The following ASPH variants were observed in gnomAD, a reference collection of about 807,000 sequenced individuals.
ASPH encodes aspartyl/asparaginyl beta-hydroxylase.
ASPH carries 100 observed loss-of-function variants against 118.4 expected under a neutral mutation model. The ratio of observed to expected loss-of-function variants is 0.84; its 90% CI spans 0.72 to 1.00. ASPH has a LOEUF of 1.00. Among genes scored for constraint, ASPH ranks in the 50% least tolerant of loss-of-function variants. ASPH has a pLI of 0.00. For synonymous variants in ASPH, 315 were observed against 325.6 expected (o/e 0.97, Z 0.35); for missense variants, 920 against 919.5 (o/e 1.00, Z -0.01).
intron 21 of ASPH, among the ~76,000 whole-genome samples, chr8:61,528,767 G>A (rs1032442866): frequency 2.6e-4 from 39 of 152,070 alleles, no homozygotes; most frequent in African/African-American, 9.4e-4. Flanking sequence ...TGTTGCCAAG[G>A]TACTTTTCGT....
At chr8:61,637,130 G>T (rs933217932) in intron 12 of ASPH, among the ~76,000 whole-genome samples, 3 of 152,084 alleles carry the variant, frequency 2.0e-5, no homozygotes, top group African/African-American at 4.8e-5. Flanking sequence ...AAGAGTAATT[G>T]TAAGAGCAAA....
intron 16 of ASPH, among the ~76,000 whole-genome samples, chr8:61,573,274 AT>A (rs1834012846): frequency 6.6e-6 from 1 of 152,224 alleles, no homozygotes; most frequent in South Asian, 2.1e-4. Context: ...TATCGTGAAA[AT>A]GGCCATAGTG....
At chr8:61,581,711 G>A (rs1168609387) in intron 15 of ASPH, among the ~76,000 whole-genome samples, 1 of 152,156 alleles carries the variant, frequency 6.6e-6, no homozygotes, top group East Asian at 1.9e-4. Context: ...CCAGTGGTGT[G>A]AACTTTCAGG....
chr8:61,706,341 G>A (rs542042413), intron 1 of ASPH, among the ~76,000 whole-genome samples: 59 of 140,192 alleles, frequency 4.2e-4, no homozygotes, highest in African/African-American at 1.2e-3. Flanking sequence ...GAGGATCACC[G>A]GAGCCTGGGA....
intron 1 of ASPH, among the ~76,000 whole-genome samples, chr8:61,690,091 A>G (rs1416469810): frequency 6.6e-6 from 1 of 152,252 alleles, no homozygotes; most frequent in African/African-American, 2.4e-5. Context: ...TAACGGCTTT[A>G]GCTTAAGCAC....
At chr8:61,702,345 T>C (rs956314620) in intron 1 of ASPH, among the ~76,000 whole-genome samples, 9 of 147,322 alleles carry the variant, frequency 6.1e-5, no homozygotes, top group African/African-American at 2.0e-4. Context: ...AGTGCAGTGG[T>C]GCAATCTTGG....
At chr8:61,638,794 C>T (rs556604756) in intron 10 of ASPH, among the ~76,000 whole-genome samples, 82 of 152,250 alleles carry the variant, frequency 5.4e-4, no homozygotes, top group African/African-American at 1.9e-3. Flanking sequence ...CTAATTAGGG[C>T]GTGCTGCCCT....
chr8:61,539,057 CA>C (rs1820693158), intron 21 of ASPH, among the ~76,000 whole-genome samples: 1 of 151,956 alleles, frequency 6.6e-6, no homozygotes, highest in Non-Finnish European at 1.5e-5. Context: ...GCTTGGCCAA[CA>C]TGGTGAAACC....
At chr8:61,504,103 A>C (rs1805519036) in intron 24 of ASPH, among the ~76,000 whole-genome samples, 2 of 152,168 alleles carry the variant, frequency 1.3e-5, no homozygotes, top group South Asian at 4.1e-4. Flanking sequence ...ATTTTAAATC[A>C]ATGCTGCAAA....
intron 18 of ASPH, among the ~76,000 whole-genome samples, chr8:61,558,723 T>C (rs1192386345): frequency 6.6e-6 from 1 of 152,224 alleles, no homozygotes; most frequent in Non-Finnish European, 1.5e-5. Context: ...TATATGCGAA[T>C]GTGTAATGGA....
At chr8:61,609,114 G>A (rs961904012) in intron 14 of ASPH, among the ~76,000 whole-genome samples, 2 of 152,148 alleles carry the variant, frequency 1.3e-5, no homozygotes, top group Non-Finnish European at 2.9e-5. Flanking sequence ...CCACGAGTGC[G>A]GCTGCTCTCC....
chr8:61,539,699 G>GGGGGGGGTGTGTGT (rs1554618405), intron 21 of ASPH, among the ~76,000 whole-genome samples: 2 of 124,214 alleles, frequency 1.6e-5, no homozygotes, highest in African/African-American at 5.6e-5. Flanking sequence ...ACACTTCTGG[G>GGGGGGGGTGTGTGT]GTGTGTGTGT....
In ASPH at chr8:61,579,345, G is replaced by A. The variant is rs1166880800; in HGVS notation, c.1063-2487C>T. 30 of 1,614,090 alleles carry A rather than the reference G, an allele frequency of 1.9e-5. No homozygotes were observed. The East Asian group carries it at 6.7e-4, about 36-fold the overall frequency. Reference sequence around the variant, plus strand: ...GGCACGGCAGCTGCGTGAGTACCAGGAGCTGATGAACGTCAAGCTGGCCCT... The same window carrying A: ...GGCACGGCAGCTGCGTGAGTACCAGAAGCTGATGAACGTCAAGCTGGCCCT... On this transcript the variant is annotated intron_variant, in intron 15 of 24. Coordinates refer to ENST00000379454, the MANE Select transcript of ASPH (RefSeq NM_004318.4).
At chr8:61,652,910 ATTCAGTACTTAAGTT>A (rs1811774643) in intron 4 of ASPH, among the ~76,000 whole-genome samples, 1 of 152,238 alleles carries the variant, frequency 6.6e-6, no homozygotes, top group African/African-American at 2.4e-5. Flanking sequence ...TACCATTTGG[ATTCAGTACTTAAGTT>A]TTCAGTAAAT....
chr8:61,529,750 A>C (rs561068442), intron 21 of ASPH, among the ~76,000 whole-genome samples: 1 of 152,340 alleles, frequency 6.6e-6, no homozygotes, highest in East Asian at 1.9e-4. Flanking sequence ...TGAGAAGTTC[A>C]AACTCAAGAT....
intron 3 of ASPH, among the ~76,000 whole-genome samples, chr8:61,666,691 A>C (rs1177592254): frequency 6.6e-6 from 1 of 152,176 alleles, no homozygotes; most frequent in Admixed American, 6.5e-5. Context: ...GGGTTTCTCC[A>C]TTAACTGAAT....
intron 13 of ASPH, among the ~76,000 whole-genome samples, chr8:61,621,570 A>C (rs1186446849): frequency 1.3e-5 from 2 of 152,232 alleles, no homozygotes; most frequent in East Asian, 3.8e-4. Flanking sequence ...TTGAGCACGT[A>C]TTATATACAG....
At chr8:61,622,655 A>G (rs1851389844) in intron 13 of ASPH, among the ~76,000 whole-genome samples, 1 of 152,182 alleles carries the variant, frequency 6.6e-6, no homozygotes, top group South Asian at 2.1e-4. Flanking sequence ...TTGCCTAACC[A>G]TCTTCCTGCC....
At chr8:61,710,128 T>C (rs1400409777) in intron 1 of ASPH, among the ~76,000 whole-genome samples, 2 of 152,186 alleles carry the variant, frequency 1.3e-5, no homozygotes, top group Non-Finnish European at 2.9e-5. Flanking sequence ...CACAAAGCCA[T>C]ATGAAATCAG....
Sources: gnomAD v4.1 joint callset for allele counts (sites outside exome capture counted in the v4.1 genomes callset) on GRCh38, gnomAD v4.1.1 for gene constraint, MANE v1.5 for transcripts, NCBI Gene and HGNC (gene_info 2026-07-23, HGNC 2026-07-21) for gene names.